Variants in CPNE2 observed in about 807,000 individuals in gnomAD.
The protein encoded by CPNE2 is copine-2.
A neutral mutation model predicts 69.7 loss-of-function variants in CPNE2; 42 were observed. The ratio of observed to expected loss-of-function variants is 0.60; its 90% CI spans 0.47 to 0.78. The LOEUF is 0.78. Among genes scored for constraint, CPNE2 ranks in the 30% least tolerant of loss-of-function variants. CPNE2 has a pLI of 0.00. For synonymous variants in CPNE2, 294 were observed against 289.8 expected, an observed-to-expected ratio of 1.01 and a Z score of -0.15; for missense variants, 587 against 732.0, an observed-to-expected ratio of 0.80 and a Z score of 2.29.
intron 5 of CPNE2, 143 bp from the exon 6 acceptor site, chr16:57,119,052 A>G: frequency 2.9e-6 from 2 of 688,708 alleles, no homozygotes; most frequent in Non-Finnish European, 2.5e-6. Context: ...AGCCTTGCAG[A>G]GTCTGAGGGG....
intron 14 of CPNE2, 137 bp from the exon 15 acceptor site, chr16:57,145,942 GTGAGTT>G: frequency 1.5e-6 from 1 of 689,034 alleles, no homozygotes; most frequent in Non-Finnish European, 2.6e-6. Flanking sequence ...AGGACGCATA[GTGAGTT>G]GTCTGGGACT....
At position 57,130,699 on chromosome 16, in the gene CPNE2, G is replaced by A. The variant is rs117988005; in HGVS notation, c.1116+2796G>A. ...CCTGGGCCTGGTGAGGTAAGGCTGAGAAGAGACCATCCGTTTCACTGACCA... is the reference window on the plus strand; with the variant it reads ...CCTGGGCCTGGTGAGGTAAGGCTGAAAAGAGACCATCCGTTTCACTGACCA... On this transcript the variant is annotated intron_variant, in intron 12 of 15. Transcript: ENST00000290776. The surrounding 1 kb of genome is among the most constrained non-coding windows in gnomAD (Gnocchi z 4.1). Among the ~76,000 whole-genome samples the A allele has an allele frequency of 1.4e-3, 216 of 152,194 alleles. 6 individuals are homozygous for A. In the East Asian group the frequency reaches 0.032, roughly 22 times the overall value.
intron 1 of CPNE2, among the ~76,000 whole-genome samples, chr16:57,099,208 T>C (rs776210819): frequency 5.9e-5 from 9 of 152,204 alleles, no homozygotes; most frequent in Non-Finnish European, 1.0e-4. Flanking sequence ...TCATATAGGA[T>C]GACATACTCC....
At chr16:57,099,010 C>T (rs2069596171) in intron 1 of CPNE2, among the ~76,000 whole-genome samples, 1 of 152,136 alleles carries the variant, frequency 6.6e-6, no homozygotes, top group South Asian at 2.1e-4. Flanking sequence ...CTACATGGAC[C>T]AGTCAATGAC....
At chr16:57,134,694 C>A (rs1358339007) in intron 12 of CPNE2, 81 bp from the exon 13 acceptor site, 12 of 1,499,398 alleles carry the variant, frequency 8.0e-6, no homozygotes, top group East Asian at 2.3e-5. Flanking sequence ...TCAAAGGGAG[C>A]CTTGGCCTGG....
chr16:57,106,040 GC>G (rs2069646191), intron 1 of CPNE2: 1 of 152,590 alleles, frequency 6.6e-6, no homozygotes, highest in Admixed American at 6.5e-5. Flanking sequence ...TTTTTCCATT[GC>G]GTCAGGCCTC....
rs749187257 is a variant in CPNE2, at chr16:57,147,703, C to T, written c.*45C>T. ...GCATGTCAGCTGAGCCTCCTGCCCT[C>T]CCCCAGGAACATGCACGCTCACTCT... is the stretch of plus-strand genomic sequence containing the variant. On this transcript the variant is annotated 3_prime_UTR_variant, in exon 16 of 16. Coordinates refer to ENST00000290776, the MANE Select transcript of CPNE2 (RefSeq NM_152727.6). 13 of 1,312,472 alleles carry T rather than the reference C, an allele frequency of 9.9e-6. No individual in the cohort carries two copies. Among genetic ancestry groups the T allele is most frequent in the Non-Finnish European group, 1.4e-5 (13 of 946,372 alleles). 81.3% of individuals were successfully genotyped at this position (1,312,472 alleles called of 1,614,324 possible). A position where few individuals can be genotyped will look rare whatever the true frequency, so the allele number is the denominator to read the frequency against.
chr16:57,101,406 T>C (rs2069612785), intron 1 of CPNE2, among the ~76,000 whole-genome samples: 2 of 152,178 alleles, frequency 1.3e-5, no homozygotes, highest in Non-Finnish European at 2.9e-5. Context: ...CCCCCAAAAG[T>C]TCAGTAAACT....
intron 3 of CPNE2, among the ~76,000 whole-genome samples, chr16:57,113,858 C>T (rs185068534): frequency 4.6e-5 from 7 of 152,356 alleles, no homozygotes; most frequent in African/African-American, 1.7e-4. Flanking sequence ...CCCCATCCAT[C>T]TCAGTCCTTG....
In CPNE2 at chr16:57,119,586, T is replaced by G. The variant is rs757760179; in HGVS notation, c.617T>G (p.Val206Gly). Reference sequence around the variant, plus strand: ...GTGATCAAGTACACACTGGACCCTGTGTGGAAGCCATTCACAGTGCCCTTG... The same window carrying G: ...GTGATCAAGTACACACTGGACCCTGGGTGGAAGCCATTCACAGTGCCCTTG... ...TEVIKYTLDP[V>G]WKPFTVPLVS... Residue 206 changes from valine to glycine, a missense_variant, in exon 7 of 16, where the codon GTG (valine) becomes GGG (glycine). Physicochemically the swap from Val to Gly is moderately radical, Grantham distance 109. Transcript: ENST00000290776. 2 of 1,613,102 alleles carry G rather than the reference T, an allele frequency of 1.2e-6. No homozygotes were observed. Among genetic ancestry groups the G allele is most frequent in the Non-Finnish European group, 1.7e-6 (2 of 1,179,618 alleles).
chr16:57,143,001 T>G (rs2069933461), intron 14 of CPNE2: 1 of 152,178 alleles, frequency 6.6e-6, no homozygotes, highest in Admixed American at 6.5e-5. Flanking sequence ...ATGGGCTGTT[T>G]CTGGAGGTGG....
chr16:57,107,692 A>G (rs560187956), intron 1 of CPNE2, among the ~76,000 whole-genome samples: 2 of 152,204 alleles, frequency 1.3e-5, no homozygotes, highest in South Asian at 4.2e-4. Flanking sequence ...TTAAAAACGC[A>G]AATCAGATAA....
intron 14 of CPNE2, 148 bp from the exon 15 acceptor site, chr16:57,145,937 G>C: frequency 1.5e-6 from 1 of 671,008 alleles, no homozygotes; most frequent in Non-Finnish European, 2.7e-6. Flanking sequence ...AGAGCAGGAC[G>C]CATAGTGAGT....
chr16:57,146,216 T>G lies in CPNE2; in HGVS notation c.1434T>G (p.Ala478=). 5.1e-6 allele frequency: 8 copies of G among 1,566,424 alleles called. No individual in the cohort carries two copies. The highest frequency in any genetic ancestry group is 1.4e-5 in the African/African-American group (1 of 73,966). Residue 478 remains alanine (A), a synonymous_variant, in exon 15 of 16, where the codon GCT becomes GCG. Coordinates refer to ENST00000290776, the MANE Select transcript of CPNE2 (RefSeq NM_152727.6). The surrounding 1 kb of genome is among the most constrained non-coding windows in gnomAD (Gnocchi z 4.4). The stretch of plus-strand genomic sequence containing the variant: ...TGGGCGTGGGCAATGCGGACTTCGC[T>G]GCCATGGAGTTCCTGGATGGGGACA... The part of the protein sequence containing the change: ...IIVGVGNADF[A]AMEFLDGDSR...
intron 7 of CPNE2, among the ~76,000 whole-genome samples, chr16:57,120,118 C>CA (rs1213086586): frequency 6.6e-6 from 1 of 151,824 alleles, no homozygotes; most frequent in East Asian, 1.9e-4. Flanking sequence ...ACTAAAAATA[C>CA]AAAAATTAGC....
rs778867804 is a variant in CPNE2, at chr16:57,119,268, A to G, written c.581A>G (p.His194Arg). The G allele has an allele frequency of 2.0e-5, 33 of 1,613,990 alleles. No homozygotes were observed. Among genetic ancestry groups the G allele is most frequent in the Admixed American group, 3.3e-5 (2 of 59,992 alleles). ...PGDDGKWMLVHRTEVIKYTLD... is the reference protein window; with the variant it reads ...PGDDGKWMLVRRTEVIKYTLD... Reference sequence around the variant, plus strand: ...GACGATGGCAAGTGGATGCTGGTCCACAGGACTGAGGTGGGTACGTGGGGG... The same window carrying G: ...GACGATGGCAAGTGGATGCTGGTCCGCAGGACTGAGGTGGGTACGTGGGGG... The change falls in exon 6 of 16, where the codon CAC becomes CGC. Residue 194 changes from histidine to arginine, a missense_variant. Physicochemically the swap from His to Arg is conservative, Grantham distance 29. Coordinates refer to ENST00000290776, the MANE Select transcript of CPNE2 (RefSeq NM_152727.6).
At chr16:57,098,736 A>C (rs528481507) in intron 1 of CPNE2, among the ~76,000 whole-genome samples, 2 of 152,072 alleles carry the variant, frequency 1.3e-5, no homozygotes, top group Non-Finnish European at 1.5e-5. Context: ...CTCATTTTCA[A>C]CAAACTTGTG....
At chr16:57,099,947 G>A (rs1358949651) in intron 1 of CPNE2, among the ~76,000 whole-genome samples, 1 of 151,996 alleles carries the variant, frequency 6.6e-6, no homozygotes, top group African/African-American at 2.4e-5. Context: ...GCTAATTTTT[G>A]TATTTTTAGT....
At chr16:57,127,347 A>G (rs993655392) in intron 11 of CPNE2, among the ~76,000 whole-genome samples, 2 of 152,216 alleles carry the variant, frequency 1.3e-5, no homozygotes, top group Non-Finnish European at 2.9e-5. Context: ...GCAAGTGGCC[A>G]GTGGCCAGGG....
Sources: allele counts gnomAD v4.1 joint callset (sites outside exome capture counted in the v4.1 genomes callset), GRCh38; gene constraint gnomAD v4.1.1; non-coding constraint Gnocchi (gnomAD v3.1); transcripts MANE v1.5; gene names NCBI Gene and HGNC (gene_info 2026-07-23, HGNC 2026-07-21).